The following CCDC7 variants were observed in gnomAD, a reference collection of about 807,000 sequenced individuals.
CCDC7 encodes the protein coiled-coil domain containing 7, also known as coiled-coil domain-containing protein 7.
CCDC7 carries 183 observed loss-of-function variants against 196.9 expected under a neutral mutation model. The ratio of observed to expected loss-of-function variants is 0.93; its 90% CI spans 0.82 to 1.05. The LOEUF is 1.05. CCDC7 is among the 50% of genes least tolerant of loss of function. CCDC7 has a pLI of 0.00. For synonymous variants in CCDC7, 525 were observed against 484.6 expected, an observed-to-expected ratio of 1.08 and a Z score of -1.10; for missense variants, 1,540 against 1,482.2, an observed-to-expected ratio of 1.04 and a Z score of -0.64.
chr10:32,694,920 C>T lies in CCDC7; in HGVS notation c.2386C>T (p.Gln796Ter). Residue 796 changes from glutamine (Q) to a stop codon, truncating the protein, a stop_gained, in exon 24 of 42, where the codon CAA (glutamine) becomes TAA (stop). Coordinates refer to ENST00000639629, the Ensembl canonical transcript of CCDC7. LOFTEE classifies it high-confidence loss of function. ...AGGCAAAAATCTTGTGCTTGAACAT[C>T]AAGATTCAGTGTCAAAACTGGAAAT... 6.2e-7 allele frequency: 1 copy of T among 1,603,988 alleles called. No individual in the cohort carries two copies. The highest frequency in any genetic ancestry group is 8.5e-7 in the Non-Finnish European group (1 of 1,174,806).
intron 8 of CCDC7, among the ~76,000 whole-genome samples, chr10:32,491,062 T>C (rs1231911879): frequency 6.6e-6 from 1 of 152,088 alleles, no homozygotes; most frequent in Non-Finnish European, 1.5e-5. Flanking sequence ...TTGCTTAGGG[T>C]GTTTACTTTT....
chr10:32,742,842 T>C (rs1328997981), intron 28 of CCDC7, among the ~76,000 whole-genome samples: 1 of 152,190 alleles, frequency 6.6e-6, no homozygotes, highest in Non-Finnish European at 1.5e-5. Flanking sequence ...TTTACCTTAA[T>C]TATCTCCGTG....
Position 32,568,006 on chromosome 10 carries a change from G to GTT in CCDC7, c.1419+133_1419+134dup, listed in dbSNP as rs35485110. ...TAAAAATTCATGCCTCTGTTTTTGG[G>GTT]TTTTTTTTTTTTTTTTTTTGAGATG... On this transcript the variant is annotated intron_variant, in intron 15 of 41. Transcript: ENST00000639629. 3,319 of 596,092 alleles carry GTT rather than the reference G, an allele frequency of 5.6e-3. 33 individuals carry two copies. The highest frequency in any genetic ancestry group is 0.031 in the African/African-American group (841 of 26,712). The allele number at this position is 596,092 out of a possible 1,614,324, so 36.9% of individuals were successfully genotyped here.
intron 40 of CCDC7, among the ~76,000 whole-genome samples, chr10:32,853,857 C>A (rs773001237): frequency 2.6e-5 from 4 of 151,956 alleles, no homozygotes; most frequent in Admixed American, 6.6e-5. Context: ...TTATCTATGA[C>A]CTTTCTAGTC....
At chr10:32,717,973 A>C (rs1166519978) in intron 25 of CCDC7, among the ~76,000 whole-genome samples, 1 of 151,872 alleles carries the variant, frequency 6.6e-6, no homozygotes, top group East Asian at 1.9e-4. Context: ...AGCTGGTACC[A>C]TTTCTTCTGA....
chr10:32,618,538 T>A (rs1402964070), intron 18 of CCDC7, among the ~76,000 whole-genome samples: 1 of 152,064 alleles, frequency 6.6e-6, no homozygotes, highest in African/African-American at 2.4e-5. Flanking sequence ...AAGACTTTAT[T>A]TTTTCTTGAT....
At chr10:32,559,781 G>C (rs562823919) in intron 13 of CCDC7, among the ~76,000 whole-genome samples, 1 of 152,310 alleles carries the variant, frequency 6.6e-6, no homozygotes, top group East Asian at 1.9e-4. Context: ...TCCTCCAAAG[G>C]AACGCAGTTC....
At chr10:32,776,080 A>G (rs867855630) in intron 28 of CCDC7, among the ~76,000 whole-genome samples, 4 of 147,444 alleles carry the variant, frequency 2.7e-5, no homozygotes, top group Middle Eastern at 3.4e-3. Flanking sequence ...GAATTGAACA[A>G]TGAGATCACA....
chr10:32,744,429 G>A (rs1036369743), intron 28 of CCDC7, among the ~76,000 whole-genome samples: 1 of 149,928 alleles, frequency 6.7e-6, no homozygotes. Flanking sequence ...ATGCCATTTT[G>A]TATTCTCACC....
chr10:32,683,119 A>G (rs1045906691), intron 21 of CCDC7, among the ~76,000 whole-genome samples: 1 of 152,042 alleles, frequency 6.6e-6, no homozygotes, highest in African/African-American at 2.4e-5. Context: ...AGAGTTTTAT[A>G]TTTTTGAATT....
intron 21 of CCDC7, among the ~76,000 whole-genome samples, chr10:32,684,550 G>C (rs940683251): frequency 1.3e-5 from 2 of 152,110 alleles, no homozygotes; most frequent in Non-Finnish European, 2.9e-5. Context: ...GCTCTCCATG[G>C]GTCACCACTA....
chr10:32,738,334 T>C (rs1287410374), intron 28 of CCDC7, among the ~76,000 whole-genome samples: 2 of 152,166 alleles, frequency 1.3e-5, no homozygotes, highest in Non-Finnish European at 2.9e-5. Context: ...TCCTGCCTTT[T>C]GTCACTCATA....
intron 28 of CCDC7, among the ~76,000 whole-genome samples, chr10:32,730,524 TG>T (rs1393411569): frequency 6.6e-6 from 1 of 151,944 alleles, no homozygotes; most frequent in Non-Finnish European, 1.5e-5. Flanking sequence ...TACAAGTATT[TG>T]TAATAATGTT....
intron 18 of CCDC7, among the ~76,000 whole-genome samples, chr10:32,596,587 G>C (rs986862750): frequency 6.6e-6 from 1 of 152,094 alleles, no homozygotes; most frequent in Non-Finnish European, 1.5e-5. Context: ...ATGTTAGCTG[G>C]TTATTTTGCT....
chr10:32,680,839 C>G (rs1383123288), intron 21 of CCDC7, among the ~76,000 whole-genome samples: 2 of 152,144 alleles, frequency 1.3e-5, no homozygotes, highest in Admixed American at 1.3e-4. Context: ...ACATAAGGAC[C>G]TGATCTACTC....
intron 5 of CCDC7, among the ~76,000 whole-genome samples, chr10:32,468,610 A>G (rs927490015): frequency 1.3e-5 from 2 of 152,052 alleles, no homozygotes; most frequent in South Asian, 2.1e-4. Flanking sequence ...AGGACTTCCA[A>G]TACTGTGTTG....
intron 41 of CCDC7, among the ~76,000 whole-genome samples, chr10:32,859,549 G>C (rs2093891577): frequency 1.3e-5 from 2 of 152,046 alleles, no homozygotes; most frequent in African/African-American, 4.8e-5. Context: ...GCTAGCAGAA[G>C]ACAAGAAATA....
chr10:32,668,870 A>G (rs1236697449), intron 21 of CCDC7, among the ~76,000 whole-genome samples: 10 of 152,036 alleles, frequency 6.6e-5, no homozygotes, highest in Non-Finnish European at 1.3e-4. Flanking sequence ...CCCCCATCCA[A>G]TTTGAATGCC....
At chr10:32,787,810 G>A (rs2082099325) in intron 29 of CCDC7, among the ~76,000 whole-genome samples, 1 of 151,792 alleles carries the variant, frequency 6.6e-6, no homozygotes, top group South Asian at 2.1e-4. Flanking sequence ...CTCCAGGCTG[G>A]CCCCAGAGGC....
Sources: gnomAD v4.1 joint callset for allele counts (sites outside exome capture counted in the v4.1 genomes callset) on GRCh38, gnomAD v4.1.1 for gene constraint, MANE v1.5 for transcripts, NCBI Gene and HGNC (gene_info 2026-07-23, HGNC 2026-07-21) for gene names.